COPB1: variants seen among roughly 807,000 people sequenced by gnomAD.
COPB1 encodes coatomer subunit beta.
COPB1 carries 21 observed loss-of-function variants against 108.7 expected under a neutral mutation model. The observed-to-expected ratio is 0.19, with a 90% confidence interval of 0.14 to 0.28. The LOEUF (loss-of-function observed/expected upper bound fraction) is 0.28. COPB1 is among the 10% of genes least tolerant of loss of function. The pLI is 1.00. For missense variants in COPB1, 919 were observed against 1,141.3 expected, an observed-to-expected ratio of 0.81 and a Z score of 2.81; for synonymous variants, 378 against 386.8, an observed-to-expected ratio of 0.98 and a Z score of 0.27.
At chr11:14,477,070 G>C (rs2134109393) in intron 11 of COPB1, 55 bp from the exon 12 acceptor site, 6 of 1,197,480 alleles carry the variant, frequency 5.0e-6, no homozygotes, top group Non-Finnish European at 7.5e-6. Context: ...TTGAAGCAGA[G>C]ATCTTTCTTT....
At chr11:14,470,919 C>T (rs1317317421) in intron 14 of COPB1, among the ~76,000 whole-genome samples, 3 of 131,066 alleles carry the variant, frequency 2.3e-5, no homozygotes, top group Admixed American at 2.1e-4. Context: ...CACACACACA[C>T]ACACACACAC....
At position 14,499,070 on chromosome 11, in the gene COPB1, T is replaced by G. The variant is rs371325422; in HGVS notation, c.-57-85A>C. Reference sequence around the variant, plus strand: ...TACCTATAGTGACCTTTTAAAGTATTAGAAAGGGCAGGTCAATCTATATCG... The same window carrying G: ...TACCTATAGTGACCTTTTAAAGTATGAGAAAGGGCAGGTCAATCTATATCG... On this transcript the variant is annotated intron_variant, in intron 1 of 21. Transcript: ENST00000439561. 2.8e-5 allele frequency: 18 copies of G among 647,204 alleles called. No individual in the cohort carries two copies. The African/African-American group carries it at 3.0e-4, about 11-fold the overall frequency. 40.1% of individuals were successfully genotyped at this position (647,204 alleles called of 1,614,324 possible).
Position 14,466,417 on chromosome 11 carries a change from A to G in COPB1, c.2155T>C (p.Leu719=). 1 of 1,611,070 alleles carries G rather than the reference A, an allele frequency of 6.2e-7. No homozygotes were observed. Among genetic ancestry groups the G allele is most frequent in the African/African-American group, 1.3e-5 (1 of 74,998 alleles). ...LASKLNKVTQ[L]TGFSDPVYAE... is the part of the protein sequence containing the mutation. Reference sequence around the variant, plus strand: ...TATACAGGATCTGAGAAACCTGTCAATTGGGTGACCTGTCAAAACAAAAAC... The same window carrying G: ...TATACAGGATCTGAGAAACCTGTCAGTTGGGTGACCTGTCAAAACAAAAAC... Residue 719 remains leucine (L), a synonymous_variant, in exon 17 of 22, where the codon TTG becomes CTG. Transcript: ENST00000439561.
Position 14,457,680 on chromosome 11 carries a change from A to G in COPB1, c.*144T>C, listed in dbSNP as rs1378068784. ...TAATTTTAAACTCAATCTTGATTTAAGGGAAAGGCTATAAATTATTGGCTG... is the reference window on the plus strand; with the variant it reads ...TAATTTTAAACTCAATCTTGATTTAGGGGAAAGGCTATAAATTATTGGCTG... On this transcript the variant is annotated 3_prime_UTR_variant, in exon 22 of 22. Transcript: ENST00000439561. The G allele has an allele frequency of 1.5e-5, 10 of 666,028 alleles. No homozygotes were observed. Among genetic ancestry groups the G allele is most frequent in the Non-Finnish European group, 5.4e-6 (2 of 367,336 alleles). The allele number at this position is 666,028 out of a possible 1,614,324, so 41.3% of individuals were successfully genotyped here.
intron 14 of COPB1, among the ~76,000 whole-genome samples, chr11:14,470,936 ACACACACACT>A (rs1305486103): frequency 2.6e-4 from 25 of 94,346 alleles, no homozygotes; most frequent in African/African-American, 9.3e-4. Flanking sequence ...ACACACACAC[ACACACACACT>A]CTCTCTCTCT....
At chr11:14,484,047 A>G (rs956053632) in intron 7 of COPB1, among the ~76,000 whole-genome samples, 1 of 152,236 alleles carries the variant, frequency 6.6e-6, no homozygotes, top group South Asian at 2.1e-4. Flanking sequence ...ATACACTAAG[A>G]AGGACACATC....
intron 18 of COPB1, among the ~76,000 whole-genome samples, chr11:14,462,844 G>A (rs1322720142): frequency 2.0e-5 from 3 of 151,874 alleles, no homozygotes; most frequent in African/African-American, 7.3e-5. Flanking sequence ...AAATATACTC[G>A]AGGTTCTCTT....
intron 20 of COPB1, 46 bp downstream of exon 20, chr11:14,460,162 A>T (rs755387008): frequency 3.3e-6 from 4 of 1,225,820 alleles, no homozygotes; most frequent in Admixed American, 3.5e-5. Flanking sequence ...CCAGGAACCT[A>T]CTCTACCATT....
chr11:14,475,868 A>T lies in COPB1; in HGVS notation c.1533T>A (p.Val511=). The T allele has an allele frequency of 6.2e-7, 1 of 1,613,872 alleles. No individual in the cohort carries two copies. The highest frequency in any genetic ancestry group is 1.1e-5 in the South Asian group (1 of 91,058). The stretch of plus-strand genomic sequence containing the variant: ...TACCCATTTCAGTAACCAATTTCTG[A>T]ACTGGCCCTACAGTTATTTCTTCTT... ...KPEEEITVGP[V]QKLVTEMGTY... The change falls in exon 13 of 22, where the codon GTT becomes GTA. Residue 511 remains valine, a synonymous_variant. Coordinates refer to ENST00000439561, the MANE Select transcript of COPB1 (RefSeq NM_001144061.2).
In COPB1 at chr11:14,466,306, A is replaced by T. The variant is rs1483393119; in HGVS notation, c.2266T>A (p.Cys756Ser). ...CCTAGTGTAGCTAGTTCTAATGTGC[A>T]ATTCTGCAAAGTATCACTGGTTTGG... ...VNQTSDTLQNCTLELATLGDL... is the reference protein window; with the variant it reads ...VNQTSDTLQNSTLELATLGDL... The change falls in exon 17 of 22, where the codon TGC becomes AGC. Residue 756 changes from cysteine to serine, a missense_variant. Coordinates refer to ENST00000439561, the MANE Select transcript of COPB1 (RefSeq NM_001144061.2). 1 of 1,613,570 alleles carries T rather than the reference A, an allele frequency of 6.2e-7. No individual in the cohort carries two copies. Among genetic ancestry groups the T allele is most frequent in the Non-Finnish European group, 8.5e-7 (1 of 1,179,762 alleles).
At chr11:14,467,658 A>G (rs2134099075) in intron 16 of COPB1, among the ~76,000 whole-genome samples, 1 of 152,376 alleles carries the variant, frequency 6.6e-6, no homozygotes, top group South Asian at 2.1e-4. Flanking sequence ...GGATGGATAT[A>G]TGGATAAACA....
intron 12 of COPB1, among the ~76,000 whole-genome samples, chr11:14,476,286 G>C (rs545782512): frequency 6.6e-6 from 1 of 152,148 alleles, no homozygotes; most frequent in African/African-American, 2.4e-5. Flanking sequence ...TCATTAAGTC[G>C]TATTCCTCTT....
chr11:14,488,670 C>T, intron 5 of COPB1, 86 bp from the exon 6 acceptor site: 1 of 704,862 alleles, frequency 1.4e-6, no homozygotes, highest in Non-Finnish European at 2.2e-6. Context: ...CACATTACAA[C>T]TCAATATAAA....
In COPB1 at chr11:14,469,514, C is replaced by G; in HGVS notation, c.1787G>C (p.Gly596Ala). The change falls in exon 15 of 22, where the codon GGA becomes GCA. Residue 596 changes from glycine to alanine, a missense_variant. This residue lies in a region of COPB1 where 705 missense variants were observed against 817.8 expected (regional missense o/e 0.86). Coordinates refer to ENST00000439561, the MANE Select transcript of COPB1 (RefSeq NM_001144061.2). The stretch of plus-strand genomic sequence containing the variant: ...TGGCTTCTTAGGAAGAGAGGATTTT[C>G]CCAAATGCAGGATAGTAGCCATGAG... ...MLLMATILHL[G>A]KSSLPKKPIT... is the part of the protein sequence containing the mutation. 6.2e-7 allele frequency: 1 copy of G among 1,614,140 alleles called. No individual in the cohort carries two copies. Among genetic ancestry groups the G allele is most frequent in the South Asian group, 1.1e-5 (1 of 91,084 alleles).
intron 11 of COPB1, among the ~76,000 whole-genome samples, chr11:14,477,736 A>T (rs762956589): frequency 6.6e-6 from 1 of 152,036 alleles, no homozygotes; most frequent in Non-Finnish European, 1.5e-5. Context: ...CTCTACTGAA[A>T]ATACAAAAAA....
At chr11:14,475,066 C>T (rs796771956) in intron 13 of COPB1, among the ~76,000 whole-genome samples, 6 of 117,398 alleles carry the variant, frequency 5.1e-5, no homozygotes, top group African/African-American at 2.0e-4. Context: ...TGCACTCTAG[C>T]GTGGCCGACA....
chr11:14,458,800 GT>G, intron 20 of COPB1, 113 bp from the exon 21 acceptor site: 2 of 986,822 alleles, frequency 2.0e-6, no homozygotes, highest in Non-Finnish European at 2.9e-6. Context: ...GTCTCACTCT[GT>G]TGTCCAGCTT....
rs747328759 is a variant in COPB1, at chr11:14,486,389, G to C, written c.815C>G (p.Ser272Cys). Residue 272 changes from serine (S) to cysteine (C), a missense_variant, in exon 7 of 22, where the codon TCT becomes TGT. Coordinates refer to ENST00000439561, the MANE Select transcript of COPB1 (RefSeq NM_001144061.2). ...YEAAGTLVTL[S>C]SAPTAIKAAA... ...TACCTTGATTGCAGTTGGTGCACTA[G>C]AGAGTGTCACTAATGTCCCAGCAGC... 21 of 1,614,042 alleles carry C rather than the reference G, an allele frequency of 1.3e-5. No individual in the cohort carries two copies. The highest frequency in any genetic ancestry group is 3.3e-4 in the Middle Eastern group (2 of 6,084).
At chr11:14,480,641 C>T in intron 10 of COPB1, 118 bp downstream of exon 10, 1 of 935,838 alleles carries the variant, frequency 1.1e-6, no homozygotes, top group Non-Finnish European at 1.6e-6. Context: ...AAGATCACTT[C>T]TCACCATGAG....
Sources: allele counts gnomAD v4.1 joint callset (sites outside exome capture counted in the v4.1 genomes callset), GRCh38; gene constraint gnomAD v4.1.1; regional missense constraint gnomAD v4.1.1; transcripts MANE v1.5; gene names NCBI Gene and HGNC (gene_info 2026-07-23, HGNC 2026-07-21).